The following ST3GAL3 variants were observed in gnomAD, a reference collection of about 807,000 sequenced individuals.
ST3GAL3 encodes the protein ST3 beta-galactoside alpha-2,3-sialyltransferase 3.
A neutral mutation model predicts 50.1 loss-of-function variants in ST3GAL3; 21 were observed. The observed-to-expected ratio is 0.42, with a 90% CI of 0.30 to 0.60. The LOEUF (loss-of-function observed/expected upper bound fraction) is 0.60. Among genes scored for constraint, ST3GAL3 ranks in the 20% least tolerant of loss-of-function variants. The probability of loss-of-function intolerance (pLI) is 0.19; values close to 1 mark genes in which losing one functional copy is unlikely to be tolerated. For missense variants in ST3GAL3, 353 were observed against 489.4 expected (o/e 0.72, Z 2.63); for synonymous variants, 183 against 190.0 (o/e 0.96, Z 0.30).
chr1:43,837,513 T>A (rs770779527), intron 4 of ST3GAL3, among the ~76,000 whole-genome samples: 18 of 152,132 alleles, frequency 1.2e-4, no homozygotes, highest in Non-Finnish European at 1.9e-4. Context: ...TAAAAGCAGA[T>A]GAGGCTGGCC....
At chr1:43,771,446 C>T (rs1454657210) in intron 2 of ST3GAL3, among the ~76,000 whole-genome samples, 1 of 151,924 alleles carries the variant, frequency 6.6e-6, no homozygotes, top group Non-Finnish European at 1.5e-5. Context: ...CAGGCTCCGC[C>T]CCCGGGGTTC....
chr1:43,820,809 G>T (rs2061998609), intron 4 of ST3GAL3, among the ~76,000 whole-genome samples: 4 of 152,166 alleles, frequency 2.6e-5, no homozygotes, highest in Admixed American at 2.6e-4. Flanking sequence ...AAAAATGTGA[G>T]CTATGGAGTC....
chr1:43,917,660 TAA>T (rs2082282875), intron 9 of ST3GAL3, among the ~76,000 whole-genome samples: 1 of 56,740 alleles, frequency 1.8e-5, no homozygotes, highest in Non-Finnish European at 4.2e-5. Flanking sequence ...ATATAATATA[TAA>T]TATATATTAT....
intron 9 of ST3GAL3, among the ~76,000 whole-genome samples, chr1:43,910,887 G>C (rs948928912): frequency 5.9e-5 from 9 of 152,318 alleles, no homozygotes; most frequent in East Asian, 1.9e-4. Flanking sequence ...AACCTTTGCC[G>C]TGGAGTGAAG....
intron 2 of ST3GAL3, among the ~76,000 whole-genome samples, chr1:43,777,079 T>TATATTATATATATTATATATATAAC (rs2154138181): frequency 6.6e-6 from 1 of 152,296 alleles, no homozygotes; most frequent in African/African-American, 2.4e-5. Context: ...ATTATATAGG[T>TATATTATATATATTATATATATAAC]CCTGCTATCA....
intron 4 of ST3GAL3, among the ~76,000 whole-genome samples, chr1:43,836,742 G>A (rs939810234): frequency 5.9e-5 from 9 of 152,200 alleles, no homozygotes; most frequent in East Asian, 1.9e-4. Context: ...CTCCAGCCCC[G>A]GCAGTCACGG....
At chr1:43,735,723 T>C (rs1329414324) in intron 1 of ST3GAL3, among the ~76,000 whole-genome samples, 1 of 152,232 alleles carries the variant, frequency 6.6e-6, no homozygotes, top group Non-Finnish European at 1.5e-5. Context: ...GATAATTTTG[T>C]GTTGTTTTAA....
chr1:43,927,015 C>T (rs2084102104), intron 11 of ST3GAL3, among the ~76,000 whole-genome samples: 1 of 152,236 alleles, frequency 6.6e-6, no homozygotes, highest in East Asian at 1.9e-4. Context: ...TCTCAGATAC[C>T]ATATATCCCT....
intron 2 of ST3GAL3, among the ~76,000 whole-genome samples, chr1:43,782,137 T>C (rs759116835): frequency 9.2e-5 from 14 of 152,322 alleles, no homozygotes; most frequent in Admixed American, 2.0e-4. Context: ...ACACCTTATC[T>C]TCTCCTTTCT....
chr1:43,851,363 A>G lies in ST3GAL3; in HGVS notation c.302+13052A>G, dbSNP rs2067270252. 5.0e-6 allele frequency: 8 copies of G among 1,584,784 alleles called. No individual in the cohort carries two copies. The South Asian group carries it at 7.7e-5, about 15-fold the overall frequency. On this transcript the variant is annotated intron_variant, in intron 5 of 11. Coordinates refer to ENST00000347631, the MANE Select transcript of ST3GAL3 (RefSeq NM_006279.5). ...GGTTTCCACCAGGGCAGTTACACTC[A>G]AAGTTTGCAGGGGAGCCTGAGCAAG...
At chr1:43,788,355 T>G (rs1250667688) in intron 2 of ST3GAL3, among the ~76,000 whole-genome samples, 1 of 152,218 alleles carries the variant, frequency 6.6e-6, no homozygotes, top group Non-Finnish European at 1.5e-5. Context: ...GAAGTGCTTG[T>G]TTTTATTGTT....
At chr1:43,883,075 G>A (rs2075420961) in intron 5 of ST3GAL3, among the ~76,000 whole-genome samples, 2 of 151,926 alleles carry the variant, frequency 1.3e-5, no homozygotes, top group Admixed American at 1.3e-4. Flanking sequence ...CGGTCCTCCT[G>A]CCTCAGCCTC....
At chr1:43,817,891 T>TTTCG in intron 4 of ST3GAL3, among the ~76,000 whole-genome samples, 1 of 133,450 alleles carries the variant, frequency 7.5e-6, no homozygotes, top group Admixed American at 7.5e-5. Context: ...TCCTTCTTTC[T>TTTCG]TCTTTCTTTT....
At chr1:43,904,293 C>G (rs1419223342) in intron 9 of ST3GAL3, among the ~76,000 whole-genome samples, 1 of 152,098 alleles carries the variant, frequency 6.6e-6, no homozygotes, top group Non-Finnish European at 1.5e-5. Flanking sequence ...TTCACCTGTT[C>G]CCTGTTCAAG....
chr1:43,725,577 C>G (rs985939342), intron 1 of ST3GAL3, among the ~76,000 whole-genome samples: 1 of 152,130 alleles, frequency 6.6e-6, no homozygotes, highest in Non-Finnish European at 1.5e-5. Flanking sequence ...CTACTTCTAG[C>G]ATTTTTATTT....
chr1:43,786,693 T>G (rs1253583520), intron 2 of ST3GAL3, among the ~76,000 whole-genome samples: 1 of 152,220 alleles, frequency 6.6e-6, no homozygotes, highest in East Asian at 1.9e-4. Context: ...AAAAATTCCT[T>G]GAGAATAAGA....
chr1:43,782,412 T>C (rs1386285739), intron 2 of ST3GAL3, among the ~76,000 whole-genome samples: 2 of 152,204 alleles, frequency 1.3e-5, no homozygotes, highest in South Asian at 2.1e-4. Context: ...TAGAATGGTT[T>C]TCCTGAAGCA....
chr1:43,814,251 A>T (rs1008895211), intron 3 of ST3GAL3, among the ~76,000 whole-genome samples: 8 of 152,102 alleles, frequency 5.3e-5, no homozygotes, highest in Non-Finnish European at 7.3e-5. Context: ...TGGCCCCCAG[A>T]TTTCTTTGTA....
At chr1:43,800,658 C>A (rs559820850) in intron 3 of ST3GAL3, among the ~76,000 whole-genome samples, 1 of 152,302 alleles carries the variant, frequency 6.6e-6, no homozygotes, top group South Asian at 2.1e-4. Flanking sequence ...CATATCTCCC[C>A]TGTCTAAACC....
Sources: allele counts gnomAD v4.1 joint callset (sites outside exome capture counted in the v4.1 genomes callset), GRCh38; gene constraint gnomAD v4.1.1; transcripts MANE v1.5; gene names NCBI Gene and HGNC (gene_info 2026-07-23, HGNC 2026-07-21).